OR10J5: variants seen among roughly 807,000 people sequenced by gnomAD.
OR10J5 encodes olfactory receptor 10J5.
For missense variants in OR10J5, 389 were observed against 372.1 expected (o/e 1.05, Z -0.37); for synonymous variants, 171 against 137.1 (o/e 1.25, Z -1.73).
chr1:159,535,861 G>A lies in OR10J5; in HGVS notation c.147C>T (p.Ile49=). ...GAGTGTGGAGATGATGGTCAATGCAGATGATAGTCACAATGATGATGTTAG... is the reference window on the plus strand; with the variant it reads ...GAGTGTGGAGATGATGGTCAATGCAAATGATAGTCACAATGATGATGTTAG... ...LVANIIIVTI[I]CIDHHLHTPM... The change falls in exon 1 of 1, where the codon ATC becomes ATT. Residue 49 remains isoleucine, a synonymous_variant. Coordinates refer to ENST00000334857, the MANE Select transcript of OR10J5 (RefSeq NM_001004469.1). The A allele has an allele frequency of 1.2e-6, 2 of 1,614,142 alleles. No individual in the cohort carries two copies. The highest frequency in any genetic ancestry group is 1.7e-6 in the Non-Finnish European group (2 of 1,179,996).
Position 159,535,772 on chromosome 1 carries a change from G to A in OR10J5, c.236C>T (p.Pro79Leu). ...SETVYTLVIV[P>L]RMLLSLIFHN... The stretch of plus-strand genomic sequence containing the variant: ...AAAAATGAGGCTCAAAAGCATTCGT[G>A]GCACAATGACCAGTGTGTACACCGT... The change falls in exon 1 of 1, where the codon CCA (proline) becomes CTA (leucine). Residue 79 changes from proline (P) to leucine (L), a missense_variant. Pro to Leu is a moderately conservative substitution (Grantham distance 98). Transcript: ENST00000334857. 1 of 1,614,098 alleles carries A rather than the reference G, an allele frequency of 6.2e-7. No homozygotes were observed. Among genetic ancestry groups the A allele is most frequent in the Non-Finnish European group, 8.5e-7 (1 of 1,179,986 alleles).
Position 159,535,891 on chromosome 1 carries a change from C to G in OR10J5, c.117G>C (p.Leu39=). 1 of 1,613,930 alleles carries G rather than the reference C, an allele frequency of 6.2e-7. No homozygotes were observed. Among genetic ancestry groups the G allele is most frequent in the East Asian group, 2.2e-5 (1 of 44,884 alleles). ...VVFLTVYILT[L]VANIIIVTII... is the part of the protein sequence containing the mutation. ...TAGTCACAATGATGATGTTAGCAAC[C>G]AGAGTTAAAATGTAGACAGTTAGGA... Residue 39 remains leucine (L), a synonymous_variant, in exon 1 of 1, where the codon CTG becomes CTC. Coordinates refer to ENST00000334857, the MANE Select transcript of OR10J5 (RefSeq NM_001004469.1).
rs763976151 is a variant in OR10J5 at position 159,535,425 on chromosome 1, C to T, written c.583G>A (p.Glu195Lys). 2 of 1,614,002 alleles carry T rather than the reference C, an allele frequency of 1.2e-6. No homozygotes were observed. Among genetic ancestry groups the T allele is most frequent in the Non-Finnish European group, 1.7e-6 (2 of 1,179,870 alleles). ...GAACTTACACCATAATTTATTATCT[C>T]ATTGATAGTGGTATCAATGCAAGAA... ...KLSCIDTTIN[E>K]IINYGVSSFV... The change falls in exon 1 of 1, where the codon GAG (glutamate) becomes AAG (lysine). Residue 195 changes from glutamate (E) to lysine (K), a missense_variant. Transcript: ENST00000334857.
Position 159,535,979 on chromosome 1 carries a change from G to A in OR10J5, c.29C>T (p.Ser10Leu), listed in dbSNP as rs1220770795. 4 of 1,609,612 alleles carry A rather than the reference G, an allele frequency of 2.5e-6. No homozygotes were observed. In the South Asian group the frequency reaches 4.4e-5, roughly 18 times the overall value. ...AGAAAATCCCAAGAAAATGAATTCT[G>A]ACACTTCTGTGAAGTTCTTTCTCTT... MKRKNFTEV[S>L]EFIFLGFSSF... Residue 10 changes from serine to leucine, a missense_variant, in exon 1 of 1, where the codon TCA becomes TTA. Coordinates refer to ENST00000334857, the MANE Select transcript of OR10J5 (RefSeq NM_001004469.1).
rs771058077 is a variant in OR10J5 at position 159,535,353 on chromosome 1, G to T, written c.655C>A (p.Leu219Ile). The change falls in exon 1 of 1, where the codon CTT becomes ATT. Residue 219 changes from leucine to isoleucine, a missense_variant. Leu to Ile is a conservative substitution (Grantham distance 5). Transcript: ENST00000334857. ...ATTTGAAGGATGGAAGAGATGACAAGGACATAGGAGATAAATATCAGGCCT... is the reference window on the plus strand; with the variant it reads ...ATTTGAAGGATGGAAGAGATGACAATGACATAGGAGATAAATATCAGGCCT... ...PIGLIFISYV[L>I]VISSILQIAS... 6.2e-7 allele frequency: 1 copy of T among 1,613,958 alleles called. No individual in the cohort carries two copies. The highest frequency in any genetic ancestry group is 8.5e-7 in the Non-Finnish European group (1 of 1,180,020).
At position 159,535,941 on chromosome 1, in the gene OR10J5, G is replaced by A. The variant is rs1657845328; in HGVS notation, c.67C>T (p.His23Tyr). ...AAAACCACAAAGAGGGTTATCTGAT[G>A]CTTTCCAAAGCTAGAAAATCCCAAG... is the stretch of plus-strand genomic sequence containing the variant. The part of the protein sequence containing the change: ...IFLGFSSFGK[H>Y]QITLFVVFLT... The change falls in exon 1 of 1, where the codon CAT (histidine) becomes TAT (tyrosine). Residue 23 changes from histidine to tyrosine, a missense_variant. Transcript: ENST00000334857. 1 of 1,612,628 alleles carries A rather than the reference G, an allele frequency of 6.2e-7. No homozygotes were observed. The highest frequency in any genetic ancestry group is 1.3e-5 in the African/African-American group (1 of 74,850).
In OR10J5 at chr1:159,535,290, A is replaced by G; in HGVS notation, c.718T>C (p.Cys240Arg). Residue 240 changes from cysteine to arginine, a missense_variant, in exon 1 of 1, where the codon TGT (cysteine) becomes CGT (arginine). Coordinates refer to ENST00000334857, the MANE Select transcript of OR10J5 (RefSeq NM_001004469.1). ...AEGRKKTFAT[C>R]VSHLTVVIVH... ...ATAACCACAGTGAGGTGGGAGACACAGGTGGCAAAGGTCTTCTTCCGGCCC... is the reference window on the plus strand; with the variant it reads ...ATAACCACAGTGAGGTGGGAGACACGGGTGGCAAAGGTCTTCTTCCGGCCC... The G allele has an allele frequency of 6.2e-7, 1 of 1,614,136 alleles. No individual in the cohort carries two copies. Among genetic ancestry groups the G allele is most frequent in the Non-Finnish European group, 8.5e-7 (1 of 1,180,016 alleles).
In OR10J5 at chr1:159,535,463, G is replaced by C. The variant is rs749659274; in HGVS notation, c.545C>G (p.Pro182Arg). Residue 182 changes from proline to arginine, a missense_variant, in exon 1 of 1, where the codon CCA becomes CGA. Transcript: ENST00000334857. ...VVDHFFCDIY[P>R]VMKLSCIDTT... ...ATCAATGCAAGAAAGTTTCATGACTGGGTAAATGTCACAAAAGAAGTGGTC... is the reference window on the plus strand; with the variant it reads ...ATCAATGCAAGAAAGTTTCATGACTCGGTAAATGTCACAAAAGAAGTGGTC... The C allele has an allele frequency of 2.5e-6, 4 of 1,614,052 alleles. No individual in the cohort carries two copies. In the South Asian group the frequency reaches 3.3e-5, roughly 13 times the overall value.
rs749206305 is a variant in OR10J5, at chr1:159,535,350, C to T, written c.658G>A (p.Val220Ile). The T allele has an allele frequency of 1.4e-5, 22 of 1,613,962 alleles. No homozygotes were observed. The highest frequency in any genetic ancestry group is 9.9e-5 in the South Asian group (9 of 91,078). Reference protein sequence around the residue: ...IGLIFISYVLVISSILQIASA... With the variant: ...IGLIFISYVLIISSILQIASA... ...GCAATTTGAAGGATGGAAGAGATGA[C>T]AAGGACATAGGAGATAAATATCAGG... The change falls in exon 1 of 1, where the codon GTC (valine) becomes ATC (isoleucine). Residue 220 changes from valine (V) to isoleucine (I), a missense_variant. Val to Ile is a conservative substitution (Grantham distance 29). Transcript: ENST00000334857.
At position 159,535,883 on chromosome 1, in the gene OR10J5, T is replaced by A; in HGVS notation, c.125A>T (p.Asn42Ile). The A allele has an allele frequency of 6.2e-7, 1 of 1,614,042 alleles. No individual in the cohort carries two copies. The highest frequency in any genetic ancestry group is 8.5e-7 in the Non-Finnish European group (1 of 1,179,908). The change falls in exon 1 of 1, where the codon AAC becomes ATC. Residue 42 changes from asparagine to isoleucine, a missense_variant. By Grantham distance (149) the Asn-to-Ile change is moderately radical. Transcript: ENST00000334857. ...LTVYILTLVA[N>I]IIIVTIICID... is the part of the protein sequence containing the mutation. ...GCAGATGATAGTCACAATGATGATGTTAGCAACCAGAGTTAAAATGTAGAC... is the reference window on the plus strand; with the variant it reads ...GCAGATGATAGTCACAATGATGATGATAGCAACCAGAGTTAAAATGTAGAC...
chr1:159,535,653 C>T lies in OR10J5; in HGVS notation c.355G>A (p.Gly119Arg). Residue 119 changes from glycine (G) to arginine (R), a missense_variant, in exon 1 of 1, where the codon GGG becomes AGG. Physicochemically the swap from Gly to Arg is moderately radical, Grantham distance 125 (BLOSUM62 -2). Coordinates refer to ENST00000334857, the MANE Select transcript of OR10J5 (RefSeq NM_001004469.1). ...CAGATGGCCACATAGCGGTCATACC[C>T]CATTGCAGTAAGCAGGAAGCAATTA... The part of the protein sequence containing the change: ...TNNCFLLTAM[G>R]YDRYVAICRP... The T allele has an allele frequency of 3.1e-6, 5 of 1,614,068 alleles. No homozygotes were observed. Among genetic ancestry groups the T allele is most frequent in the Non-Finnish European group, 4.2e-6 (5 of 1,180,000 alleles).
Position 159,535,298 on chromosome 1 carries a change from A to G in OR10J5, c.710T>C (p.Phe237Ser), listed in dbSNP as rs750911188. The G allele has an allele frequency of 2.5e-6, 4 of 1,614,138 alleles. No individual in the cohort carries two copies. The Admixed American group carries it at 5.0e-5, about 20-fold the overall frequency. The change falls in exon 1 of 1, where the codon TTT (phenylalanine) becomes TCT (serine). Residue 237 changes from phenylalanine to serine, a missense_variant. Transcript: ENST00000334857. ...AGTGAGGTGGGAGACACAGGTGGCA[A>G]AGGTCTTCTTCCGGCCCTCAGCTGA... ...IASAEGRKKT[F>S]ATCVSHLTVV... is the part of the protein sequence containing the mutation.
rs143137206 is a variant in OR10J5 at position 159,535,204 on chromosome 1, T to C, written c.804A>G (p.Glu268=). Residue 268 remains glutamate, a synonymous_variant, in exon 1 of 1, where the codon GAA becomes GAG. Coordinates refer to ENST00000334857, the MANE Select transcript of OR10J5 (RefSeq NM_001004469.1). Reference sequence around the variant, plus strand: ...ACGTCACTGAGAGAACAAGGTCTTTTTCTATTGAACTTTCTGACTTCGGCT... The same window carrying C: ...ACGTCACTGAGAGAACAAGGTCTTTCTCTATTGAACTTTCTGACTTCGGCT... ...YLKPKSESSI[E]KDLVLSVTYT... 87 of 1,613,978 alleles carry C rather than the reference T, an allele frequency of 5.4e-5. No homozygotes were observed. The highest frequency in any genetic ancestry group is 6.6e-5 in the Non-Finnish European group (78 of 1,180,040).
chr1:159,535,459 G>T lies in OR10J5; in HGVS notation c.549C>A (p.Val183=). 6.2e-7 allele frequency: 1 copy of T among 1,614,094 alleles called. No individual in the cohort carries two copies. The highest frequency in any genetic ancestry group is 1.1e-5 in the South Asian group (1 of 91,052). ...TGGTATCAATGCAAGAAAGTTTCAT[G>T]ACTGGGTAAATGTCACAAAAGAAGT... is the stretch of plus-strand genomic sequence containing the variant. ...VDHFFCDIYP[V]MKLSCIDTTI... Residue 183 remains valine (V), a synonymous_variant, in exon 1 of 1, where the codon GTC becomes GTA. Coordinates refer to ENST00000334857, the MANE Select transcript of OR10J5 (RefSeq NM_001004469.1).
rs367712780 is a variant in OR10J5, at chr1:159,535,795, C to T, written c.213G>A (p.Thr71=). 32 of 1,613,798 alleles carry T rather than the reference C, an allele frequency of 2.0e-5. No individual in the cohort carries two copies. The highest frequency in any genetic ancestry group is 1.3e-4 in the East Asian group (6 of 44,878). ...FFLSMLASSE[T]VYTLVIVPRM... is the part of the protein sequence containing the mutation. ...GTGGCACAATGACCAGTGTGTACAC[C>T]GTCTCTGAACTAGCCAGCATGCTTA... Residue 71 remains threonine (T), a synonymous_variant, in exon 1 of 1, where the codon ACG becomes ACA. Coordinates refer to ENST00000334857, the MANE Select transcript of OR10J5 (RefSeq NM_001004469.1).
chr1:159,535,735 A>G lies in OR10J5; in HGVS notation c.273T>C (p.Pro91=), dbSNP rs751473571. The stretch of plus-strand genomic sequence containing the variant: ...GTGTAGCACAGCCTGCCAAGGAGAT[A>G]GGTTGGTTATGAAAAATGAGGCTCA... ...MLLSLIFHNQ[P]ISLAGCATQM... is the part of the protein sequence containing the mutation. Residue 91 remains proline (P), a synonymous_variant, in exon 1 of 1, where the codon CCT becomes CCC. Coordinates refer to ENST00000334857, the MANE Select transcript of OR10J5 (RefSeq NM_001004469.1). 7.4e-6 allele frequency: 12 copies of G among 1,614,212 alleles called. 1 individual carries two copies. In the South Asian group the frequency reaches 1.3e-4, roughly 18 times the overall value.
Position 159,535,328 on chromosome 1 carries a change from A to G in OR10J5, c.680T>C (p.Ile227Thr), listed in dbSNP as rs752391373. Residue 227 changes from isoleucine to threonine, a missense_variant, in exon 1 of 1, where the codon ATT becomes ACT. Coordinates refer to ENST00000334857, the MANE Select transcript of OR10J5 (RefSeq NM_001004469.1). ...YVLVISSILQ[I>T]ASAEGRKKTF... ...CTTCTTCCGGCCCTCAGCTGAGGCA[A>G]TTTGAAGGATGGAAGAGATGACAAG... The G allele has an allele frequency of 5.0e-6, 8 of 1,614,118 alleles. No individual in the cohort carries two copies. In the African/African-American group the frequency reaches 8.0e-5, roughly 16 times the overall value.
rs1228251601 is a variant in OR10J5, at chr1:159,535,683, TG to T, written c.324del (p.Thr109LeufsTer22). 1 of 1,613,958 alleles carries T rather than the reference TG, an allele frequency of 6.2e-7. No homozygotes were observed. Among genetic ancestry groups the T allele is most frequent in the East Asian group, 2.2e-5 (1 of 44,886 alleles). On this transcript the variant is annotated frameshift_variant, in exon 1 of 1. Transcript: ENST00000334857. LOFTEE classifies it low-confidence loss of function (END_TRUNC). ...GCAGTAAGCAGGAAGCAATTATTAG[TG>T]GCCAAGATAACAAAAAAGAACATTT... ...ATQMFFFVIL[A>X]TNNCFLLTAM...
In OR10J5 at chr1:159,535,317, C is replaced by T. The variant is rs558725254; in HGVS notation, c.691G>A (p.Glu231Lys). The change falls in exon 1 of 1, where the codon GAG becomes AAG. Residue 231 changes from glutamate (E) to lysine (K), a missense_variant. By Grantham distance (56) the Glu-to-Lys change is moderately conservative (BLOSUM62 1). Transcript: ENST00000334857. ...GTGGCAAAGGTCTTCTTCCGGCCCTCAGCTGAGGCAATTTGAAGGATGGAA... is the reference window on the plus strand; with the variant it reads ...GTGGCAAAGGTCTTCTTCCGGCCCTTAGCTGAGGCAATTTGAAGGATGGAA... ...ISSILQIASA[E>K]GRKKTFATCV... is the part of the protein sequence containing the mutation. 2.7e-5 allele frequency: 44 copies of T among 1,614,120 alleles called. 1 individual carries two copies. The South Asian group carries it at 4.5e-4, about 17-fold the overall frequency.
Sources: gnomAD v4.1 joint callset for allele counts on GRCh38, gnomAD v4.1.1 for gene constraint, MANE v1.5 for transcripts, NCBI Gene and HGNC (gene_info 2026-07-23, HGNC 2026-07-21) for gene names.